RNF121: variants seen among roughly 807,000 people sequenced by gnomAD.
The protein encoded by RNF121 is E3 ubiquitin ligase RNF121.
In RNF121, 21 loss-of-function variants were observed where a neutral mutation model predicts 46.5. That is an observed-to-expected ratio of 0.45 (90% CI 0.32 to 0.65). The LOEUF (loss-of-function observed/expected upper bound fraction) is 0.65, where lower values mean the gene tolerates loss of function less well. Ranked by LOEUF, RNF121 falls within the 30% of genes least tolerant of loss-of-function variation. The pLI is 0.04. For missense variants in RNF121, 346 were observed against 416.0 expected (o/e 0.83, Z 1.46); for synonymous variants, 139 against 144.7 (o/e 0.96, Z 0.28).
chr11:71,961,500 C>T (rs1057052084), intron 3 of RNF121, among the ~76,000 whole-genome samples: 2 of 151,968 alleles, frequency 1.3e-5, no homozygotes, highest in African/African-American at 4.8e-5. Flanking sequence ...GAGGTCAAGG[C>T]TGCAGTGAGT....
At chr11:71,993,726 G>A (rs543940395) in intron 6 of RNF121, among the ~76,000 whole-genome samples, 3 of 151,888 alleles carry the variant, frequency 2.0e-5, no homozygotes, top group Admixed American at 2.0e-4. Flanking sequence ...GAATTGCTTG[G>A]TCATTTGGTA....
chr11:71,963,571 G>T (rs1385850711), intron 3 of RNF121, among the ~76,000 whole-genome samples: 4 of 152,100 alleles, frequency 2.6e-5, no homozygotes. Context: ...AATGAGCCAA[G>T]ATCGCACCAC....
intron 3 of RNF121, among the ~76,000 whole-genome samples, chr11:71,962,524 T>G (rs1954161380): frequency 6.6e-6 from 1 of 152,188 alleles, no homozygotes; most frequent in Admixed American, 6.5e-5. Flanking sequence ...ATTAGTTAAT[T>G]CTTAACAGGA....
chr11:71,963,191 G>A (rs1954179752), intron 3 of RNF121, among the ~76,000 whole-genome samples: 1 of 152,034 alleles, frequency 6.6e-6, no homozygotes, highest in South Asian at 2.1e-4. Context: ...GTCCTTTGAT[G>A]CATAAACAGT....
chr11:71,982,858 T>A lies in RNF121; in HGVS notation c.341T>A (p.Val114Asp). The A allele has an allele frequency of 6.2e-7, 1 of 1,614,040 alleles. No homozygotes were observed. ...FLVIWILFSAVTAFVTFRATR... is the reference protein window; with the variant it reads ...FLVIWILFSADTAFVTFRATR... ...GTGATCTGGATCTTGTTCTCTGCTG[T>A]CACAGCCTTTGTTACCTTCCGAGCC... is the stretch of plus-strand genomic sequence containing the variant. The change falls in exon 4 of 9, where the codon GTC becomes GAC. Residue 114 changes from valine to aspartate, a missense_variant. This residue lies in a region of RNF121 where 286 missense variants were observed against 383.8 expected (regional missense o/e 0.75). Coordinates refer to ENST00000361756, the MANE Select transcript of RNF121 (RefSeq NM_018320.5).
chr11:71,976,352 T>TC (rs1405335686), intron 3 of RNF121, among the ~76,000 whole-genome samples: 3 of 124,184 alleles, frequency 2.4e-5, no homozygotes. Context: ...ATTCTTTTTT[T>TC]TTTTTTTTTT....
chr11:71,939,667 C>T (rs1462541245), intron 1 of RNF121: 2 of 152,204 alleles, frequency 1.3e-5, no homozygotes, highest in Non-Finnish European at 2.9e-5. Flanking sequence ...GGTCACACAG[C>T]TTGTAAGTGG....
At chr11:71,945,092 A>G (rs183349510) in intron 1 of RNF121, among the ~76,000 whole-genome samples, 29 of 151,682 alleles carry the variant, frequency 1.9e-4, no homozygotes, top group African/African-American at 6.8e-4. Flanking sequence ...GGCTCAAGTG[A>G]TCCTCCTGCC....
chr11:71,960,860 A>G lies in RNF121; in HGVS notation c.212A>G (p.Gln71Arg), dbSNP rs776634140. 3 of 1,614,142 alleles carry G rather than the reference A, an allele frequency of 1.9e-6. No individual in the cohort carries two copies. The highest frequency in any genetic ancestry group is 3.3e-5 in the Admixed American group (2 of 60,030). ...TLVVAQLLLV[Q>R]WKQRHPRSYN... is the part of the protein sequence containing the mutation. The stretch of plus-strand genomic sequence containing the variant: ...GTGGTGGCCCAGCTGCTCCTGGTGC[A>G]GTGGAAGCAGAGGCACCCACGCTCC... The change falls in exon 3 of 9, where the codon CAG (glutamine) becomes CGG (arginine). Residue 71 changes from glutamine (Q) to arginine (R), a missense_variant. Gln to Arg is a conservative substitution (Grantham distance 43). Around this residue, in one of 2 missense-constraint regions of RNF121, gnomAD observed 286 missense variants for 383.8 expected, o/e 0.75. Transcript: ENST00000361756.
At chr11:71,962,216 G>A (rs1341018642) in intron 3 of RNF121, 4 of 316,208 alleles carry the variant, frequency 1.3e-5, no homozygotes, top group Non-Finnish European at 1.8e-5. Context: ...GATCCGCCTC[G>A]GCCTCCCAAA....
chr11:71,959,244 T>G (rs1401934149), intron 2 of RNF121, among the ~76,000 whole-genome samples: 1 of 152,212 alleles, frequency 6.6e-6, no homozygotes, highest in South Asian at 2.1e-4. Context: ...GGCATTTGGC[T>G]TCCCACTCTG....
intron 3 of RNF121, among the ~76,000 whole-genome samples, chr11:71,976,989 G>A (rs11235411): frequency 0.023 from 3,534 of 152,218 alleles, 63 homozygotes; most frequent in Middle Eastern, 0.037. Flanking sequence ...GTCCACAGTT[G>A]GGAGGTTCTT....
At chr11:71,967,804 T>C (rs557679226) in intron 3 of RNF121, among the ~76,000 whole-genome samples, 1 of 152,188 alleles carries the variant, frequency 6.6e-6, no homozygotes, top group Admixed American at 6.5e-5. Context: ...TAAATATTCA[T>C]TGTTTACATT....
chr11:71,959,317 A>G lies in RNF121; in HGVS notation c.102-1433A>G, dbSNP rs891427451. On this transcript the variant is annotated intron_variant, in intron 2 of 8. Transcript: ENST00000361756. ...AACTTTAAACACATAGAAAAGTTGA[A>G]AGAATTGTACAGTGAACACCTTTAT... 7.2e-5 allele frequency among the ~76,000 whole-genome samples: 11 copies of G among 152,226 alleles called. No individual in the cohort carries two copies. The East Asian group carries it at 2.1e-3, about 29-fold the overall frequency.
At chr11:71,966,228 A>G (rs1178440117) in intron 3 of RNF121, among the ~76,000 whole-genome samples, 1 of 152,194 alleles carries the variant, frequency 6.6e-6, no homozygotes, top group African/African-American at 2.4e-5. Context: ...CACGTTGGTC[A>G]GGCTGGTCTC....
intron 2 of RNF121, 105 bp from the exon 3 acceptor site, chr11:71,960,645 G>A (rs1233894601): frequency 7.6e-7 from 1 of 1,320,308 alleles, no homozygotes; most frequent in Non-Finnish European, 1.0e-6. Flanking sequence ...TATGAAGCAG[G>A]GAATGTGTTC....
At chr11:71,953,107 C>T (rs1272381033) in intron 1 of RNF121, among the ~76,000 whole-genome samples, 1 of 152,180 alleles carries the variant, frequency 6.6e-6, no homozygotes, top group Non-Finnish European at 1.5e-5. Context: ...GATCAGGGCT[C>T]ACTGCAGCCT....
intron 1 of RNF121, among the ~76,000 whole-genome samples, chr11:71,939,719 G>A (rs1232933192): frequency 6.6e-6 from 1 of 152,172 alleles, no homozygotes; most frequent in Admixed American, 6.5e-5. Context: ...ATGTCTTCAT[G>A]TTATAGTGTA....
chr11:71,982,720 G>C (rs759332620), intron 3 of RNF121, 41 bp from the exon 4 acceptor site: 31 of 1,564,680 alleles, frequency 2.0e-5, no homozygotes, highest in Non-Finnish European at 2.6e-5. Context: ...GAGCTGCAGA[G>C]GGAGCTGGCC....
Sources: allele counts gnomAD v4.1 joint callset (sites outside exome capture counted in the v4.1 genomes callset), GRCh38; gene constraint gnomAD v4.1.1; regional missense constraint gnomAD v4.1.1; transcripts MANE v1.5; gene names NCBI Gene and HGNC (gene_info 2026-07-23, HGNC 2026-07-21).